Variants in WDPCP observed in about 807,000 individuals in gnomAD.
The protein encoded by WDPCP is WD repeat containing planar cell polarity effector, also known as WD repeat-containing and planar cell polarity effector protein fritz homolog.
In WDPCP, 71 loss-of-function variants were observed where a neutral mutation model predicts 93.1. That is an observed-to-expected ratio of 0.76 (90% CI 0.63 to 0.93). The LOEUF (loss-of-function observed/expected upper bound fraction) is 0.93, where lower values mean the gene tolerates loss of function less well. WDPCP is among the 40% of genes least tolerant of loss of function. The pLI is 0.00. For missense variants in WDPCP, 844 were observed against 887.4 expected (o/e 0.95, Z 0.62); for synonymous variants, 315 against 315.0 (o/e 1.00, Z 0.00).
chr2:63,404,793 A>T, intron 9 of WDPCP, 136 bp from the exon 10 acceptor site: 1 of 981,902 alleles, frequency 1.0e-6, no homozygotes, highest in Non-Finnish European at 1.5e-6. Flanking sequence ...ATACAAGTAT[A>T]TAAAGTACAT....
chr2:63,769,559 G>A (rs754225745), intron 2 of WDPCP, among the ~76,000 whole-genome samples: 6 of 151,814 alleles, frequency 4.0e-5, no homozygotes, highest in East Asian at 1.9e-4. Flanking sequence ...TATTGGCCTC[G>A]TGAGGTTTTG....
intron 2 of WDPCP, among the ~76,000 whole-genome samples, chr2:63,801,924 AT>A (rs1261828379): frequency 1.3e-5 from 2 of 152,204 alleles, no homozygotes; most frequent in Non-Finnish European, 2.9e-5. Context: ...CTTATGCCAT[AT>A]TCTATCTGTA....
In WDPCP at chr2:63,484,939, C is replaced by T. The variant is rs746158542; in HGVS notation, c.302G>A (p.Arg101Gln). ...TLKNRRPEKL[R>Q]DSLKELEELM... ...TACCTCCAACTCTTTGAGCGAGTCT[C>T]GGAGTTTTTCTGGGCGTCTGTTTTT... Residue 101 changes from arginine (R) to glutamine (Q), a missense_variant, in exon 5 of 18, where the codon CGA becomes CAA. Physicochemically the swap from Arg to Gln is conservative, Grantham distance 43. Coordinates refer to ENST00000272321, the MANE Select transcript of WDPCP (RefSeq NM_015910.7). 5.0e-6 allele frequency: 8 copies of T among 1,612,378 alleles called. No homozygotes were observed. Among genetic ancestry groups the T allele is most frequent in the African/African-American group, 1.3e-5 (1 of 74,802 alleles).
chr2:63,544,452 T>A (rs1395394723), intron 1 of WDPCP, among the ~76,000 whole-genome samples: 1 of 152,160 alleles, frequency 6.6e-6, no homozygotes, highest in Non-Finnish European at 1.5e-5. Flanking sequence ...ATATTCTGAG[T>A]GTACACTGAA....
rs531963991 is a variant in WDPCP, at chr2:63,133,679, A to G, written c.2191-11623T>C. Among the ~76,000 whole-genome samples the G allele has an allele frequency of 6.6e-5, 10 of 152,284 alleles. No homozygotes were observed. The South Asian group carries it at 2.1e-3, about 32-fold the overall frequency. ...TTCTCCTTTGCCTTTTGCCATGATT[A>G]TAAGGTTCCTGAGGTCTCCTCAGCT... On this transcript the variant is annotated intron_variant, in intron 17 of 17. Transcript: ENST00000272321.
chr2:63,404,625 T>G lies in WDPCP; in HGVS notation c.858A>C (p.Pro286=). 6.2e-7 allele frequency: 1 copy of G among 1,614,120 alleles called. No individual in the cohort carries two copies. The highest frequency in any genetic ancestry group is 8.5e-7 in the Non-Finnish European group (1 of 1,179,984). The change falls in exon 10 of 18, where the codon CCA becomes CCC. Residue 286 remains proline (P), a synonymous_variant. Coordinates refer to ENST00000272321, the MANE Select transcript of WDPCP (RefSeq NM_015910.7). ...VLSSVRTEWD[P]LDVRFGTKQP... ...GTTTGGTGCCAAAGCGAACATCCAGTGGGTCCCATTCTGTGCGGACAGAAC... is the reference window on the plus strand; with the variant it reads ...GTTTGGTGCCAAAGCGAACATCCAGGGGGTCCCATTCTGTGCGGACAGAAC...
intron 2 of WDPCP, among the ~76,000 whole-genome samples, chr2:63,696,482 G>C (rs1668962123): frequency 6.6e-6 from 1 of 152,054 alleles, no homozygotes; most frequent in South Asian, 2.1e-4. Context: ...AACCAGAAGG[G>C]GTCCCTTCCC....
At chr2:63,674,160 G>C (rs528276782) in intron 2 of WDPCP, among the ~76,000 whole-genome samples, 219 of 152,256 alleles carry the variant, frequency 1.4e-3, no homozygotes, top group African/African-American at 4.9e-3. Context: ...TCTCCTCATG[G>C]ATAAAAAGAA....
chr2:63,572,561 G>C (rs867230344), intron 1 of WDPCP, among the ~76,000 whole-genome samples: 24 of 151,586 alleles, frequency 1.6e-4, no homozygotes, highest in African/African-American at 5.6e-4. Context: ...AAATTAGCCA[G>C]GCATGGTGGC....
chr2:63,214,418 A>G (rs1024300752), intron 14 of WDPCP, among the ~76,000 whole-genome samples: 4 of 152,232 alleles, frequency 2.6e-5, no homozygotes, highest in African/African-American at 9.6e-5. Flanking sequence ...GACAAAATTC[A>G]ACAGTGCTTC....
chr2:63,394,431 T>A (rs115849296), intron 10 of WDPCP, among the ~76,000 whole-genome samples: 87 of 151,964 alleles, frequency 5.7e-4, no homozygotes, highest in Non-Finnish European at 1.1e-3. Flanking sequence ...GCTTATACAC[T>A]GCTAGTGGGA....
chr2:63,178,150 A>G (rs1673960884), intron 14 of WDPCP, among the ~76,000 whole-genome samples: 4 of 152,162 alleles, frequency 2.6e-5, no homozygotes, highest in Admixed American at 6.5e-5. Flanking sequence ...TTTTGCTCCA[A>G]TATCTATCAA....
At chr2:63,495,936 A>C (rs1224825780) in intron 1 of WDPCP, among the ~76,000 whole-genome samples, 1 of 152,220 alleles carries the variant, frequency 6.6e-6, no homozygotes, top group Admixed American at 6.5e-5. Context: ...AAGGTATTTG[A>C]ATTAGGACAT....
intron 1 of WDPCP, among the ~76,000 whole-genome samples, chr2:63,822,789 A>G (rs139636225): frequency 0.013 from 1,914 of 151,916 alleles, 22 homozygotes; most frequent in Non-Finnish European, 0.015. Flanking sequence ...AGGAGGCTGA[A>G]GTGGGAGGAT....
At chr2:63,326,039 G>A (rs1300687834) in intron 12 of WDPCP, among the ~76,000 whole-genome samples, 1 of 152,162 alleles carries the variant, frequency 6.6e-6, no homozygotes, top group Non-Finnish European at 1.5e-5. Flanking sequence ...TAGTGTCAGA[G>A]GCTATCAAAA....
intron 15 of WDPCP, among the ~76,000 whole-genome samples, chr2:63,161,319 A>T (rs1171612729): frequency 2.0e-5 from 3 of 152,202 alleles, no homozygotes; most frequent in Admixed American, 1.3e-4. Context: ...CATATTCCTT[A>T]TGTGCTTTTC....
At chr2:63,156,599 G>T (rs140389360) in intron 15 of WDPCP, among the ~76,000 whole-genome samples, 4 of 151,948 alleles carry the variant, frequency 2.6e-5, no homozygotes, top group African/African-American at 7.2e-5. Context: ...TTAGCCAGGC[G>T]TGGTGGCATG....
intron 2 of WDPCP, among the ~76,000 whole-genome samples, chr2:63,708,625 C>T (rs1274821487): frequency 6.6e-6 from 1 of 152,118 alleles, no homozygotes; most frequent in Non-Finnish European, 1.5e-5. Context: ...GTGCACTGCA[C>T]CCACTGTCCT....
upstream of WDPCP, chr2:63,593,107 GTT>G: frequency 6.8e-6 from 1 of 147,236 alleles, no homozygotes; most frequent in Non-Finnish European, 1.5e-5. Context: ...GTTGTTTTTT[GTT>G]TTTTTTTTGA....
Sources: allele counts gnomAD v4.1 joint callset (sites outside exome capture counted in the v4.1 genomes callset), GRCh38; gene constraint gnomAD v4.1.1; transcripts MANE v1.5; gene names NCBI Gene and HGNC (gene_info 2026-07-23, HGNC 2026-07-21).